TEX22: variants seen among roughly 807,000 people sequenced by gnomAD.
TEX22 encodes the protein testis-expressed protein 22.
A neutral mutation model predicts 11.3 loss-of-function variants in TEX22; 16 were observed. The observed-to-expected ratio is 1.42, with a 90% CI of 0.96 to 2.15. The LOEUF (loss-of-function observed/expected upper bound fraction) is 2.15. Among genes scored for constraint, TEX22 ranks in the 30% most tolerant of loss-of-function variants. The pLI is 0.00. For missense variants in TEX22, 220 were observed against 208.6 expected (o/e 1.05, Z -0.34); for synonymous variants, 97 against 92.3 (o/e 1.05, Z -0.29).
At position 105,411,047 on chromosome 14, in the gene TEX22, C is replaced by T. The variant is rs587614876; in HGVS notation, c.151-321C>T. ...CTTTCCTGAGGCACGCATCAGTGCT[C>T]GAGCTCCGGGGGTTCTCCTGCCGGT... On this transcript the variant is annotated intron_variant, in intron 2 of 3. Transcript: ENST00000451127. Among the ~76,000 whole-genome samples, 24 of 152,356 alleles carry T rather than the reference C, an allele frequency of 1.6e-4. 1 individual carries two copies. The South Asian group carries it at 3.9e-3, about 25-fold the overall frequency.
At chr14:105,400,294 G>A (rs1260736176) in intron 2 of TEX22, among the ~76,000 whole-genome samples, 2 of 152,220 alleles carry the variant, frequency 1.3e-5, no homozygotes, top group Non-Finnish European at 2.9e-5. Context: ...AGGCCCCTTT[G>A]TACCCTCTCA....
intron 2 of TEX22, among the ~76,000 whole-genome samples, chr14:105,400,206 T>C (rs2081619283): frequency 6.6e-6 from 1 of 152,204 alleles, no homozygotes; most frequent in South Asian, 2.1e-4. Context: ...GCGCTGGTCA[T>C]GCGGCCAGTT....
intron 2 of TEX22, among the ~76,000 whole-genome samples, chr14:105,405,870 A>C (rs1214043689): frequency 6.6e-6 from 1 of 152,274 alleles, no homozygotes; most frequent in Non-Finnish European, 1.5e-5. Flanking sequence ...TTGGAAAATA[A>C]GAGCAAGGCC....
At chr14:105,410,018 C>T (rs1253323756) in intron 2 of TEX22, among the ~76,000 whole-genome samples, 1 of 152,176 alleles carries the variant, frequency 6.6e-6, no homozygotes, top group Non-Finnish European at 1.5e-5. Flanking sequence ...ATCCTCCTGC[C>T]TTGGGCTCCC....
chr14:105,404,949 A>G (rs1487708843), intron 2 of TEX22, among the ~76,000 whole-genome samples: 7 of 152,322 alleles, frequency 4.6e-5, no homozygotes, highest in Admixed American at 3.9e-4. Flanking sequence ...TGTACCTGCA[A>G]TGGCATAAAT....
intron 2 of TEX22, among the ~76,000 whole-genome samples, chr14:105,403,553 G>C (rs2081643522): frequency 6.6e-6 from 1 of 152,164 alleles, no homozygotes; most frequent in Non-Finnish European, 1.5e-5. Flanking sequence ...CTCCCAAGTA[G>C]CTGGGACCAC....
intron 2 of TEX22, among the ~76,000 whole-genome samples, chr14:105,409,501 C>CTT (rs1232769820): frequency 3.0e-5 from 4 of 132,606 alleles, no homozygotes; most frequent in South Asian, 2.3e-4. Flanking sequence ...TCTTCTTCTT[C>CTT]TTTTTTTTTT....
intron 2 of TEX22, among the ~76,000 whole-genome samples, chr14:105,409,309 G>A (rs1002703888): frequency 1.3e-5 from 2 of 152,166 alleles, no homozygotes; most frequent in African/African-American, 4.8e-5. Flanking sequence ...TTCAGAGGAT[G>A]TGAAAGTTTT....
Position 105,399,282 on chromosome 14 carries a change from C to T in TEX22, c.-39-20C>T, listed in dbSNP as rs376364124. The T allele has an allele frequency of 3.8e-5, 50 of 1,317,618 alleles. No homozygotes were observed. In the African/African-American group the frequency reaches 4.3e-4, roughly 11 times the overall value. 81.6% of individuals were successfully genotyped at this position (1,317,618 alleles called of 1,614,324 possible). On this transcript the variant is annotated intron_variant, in intron 1 of 3. Transcript: ENST00000451127. The stretch of plus-strand genomic sequence containing the variant: ...TGGCCTTGTGGGCCCCGCCCCACCT[C>T]CCCCTGCTCCTACCCCCAGATCTCA...
At chr14:105,407,699 C>T (rs1205457552) in intron 2 of TEX22, among the ~76,000 whole-genome samples, 3 of 152,180 alleles carry the variant, frequency 2.0e-5, no homozygotes, top group Admixed American at 6.5e-5. Context: ...ATTGGTATTT[C>T]AGTCTTTATT....
chr14:105,411,936 C>A lies in TEX22; in HGVS notation c.*103C>A. ...TTTGTGCCCCACCAGGGGGTCACCA[C>A]CCACCCATGTTAGGAAAACAGGCCA... On this transcript the variant is annotated 3_prime_UTR_variant, in exon 4 of 4. Transcript: ENST00000451127. 8.4e-7 allele frequency: 1 copy of A among 1,187,118 alleles called. No individual in the cohort carries two copies. The highest frequency in any genetic ancestry group is 1.1e-6 in the Non-Finnish European group (1 of 893,978). 73.5% of individuals were successfully genotyped at this position (1,187,118 alleles called of 1,614,324 possible). A position where few individuals can be genotyped will look rare whatever the true frequency, so the allele number is the denominator to read the frequency against.
intron 2 of TEX22, among the ~76,000 whole-genome samples, chr14:105,407,422 G>A (rs2081664148): frequency 6.6e-6 from 1 of 152,048 alleles, no homozygotes; most frequent in African/African-American, 2.4e-5. Flanking sequence ...AGGCTAGAGT[G>A]CAGCGTGTGG....
intron 2 of TEX22, among the ~76,000 whole-genome samples, chr14:105,404,799 T>C (rs1293349087): frequency 6.6e-6 from 1 of 152,132 alleles, no homozygotes; most frequent in Non-Finnish European, 1.5e-5. Context: ...TCTGAAGAAA[T>C]GATCTCAAAG....
In TEX22 at chr14:105,413,217, G is replaced by C. The variant is rs1756433248; in HGVS notation, c.*1384G>C. 1 of 152,316 alleles carries C rather than the reference G, an allele frequency of 6.6e-6. No individual in the cohort carries two copies. The highest frequency in any genetic ancestry group is 2.4e-5 in the African/African-American group (1 of 41,408). 9.4% of individuals were successfully genotyped at this position (152,316 alleles called of 1,614,324 possible). A position where few individuals can be genotyped will look rare whatever the true frequency, so the allele number is the denominator to read the frequency against. On this transcript the variant is annotated 3_prime_UTR_variant, in exon 4 of 4. Coordinates refer to ENST00000451127, the MANE Select transcript of TEX22 (RefSeq NM_001195082.2). This position sits in a 1 kb window ranked among gnomAD's most constrained non-coding sequence, Gnocchi z 4.2. Reference sequence around the variant, plus strand: ...GGGGCTAGGGCAGGTGTCCTTAAGGGTGTGGGGAGTTTTGGGCAGGGCACT... The same window carrying C: ...GGGGCTAGGGCAGGTGTCCTTAAGGCTGTGGGGAGTTTTGGGCAGGGCACT...
intron 2 of TEX22, among the ~76,000 whole-genome samples, chr14:105,409,360 A>G (rs1414169469): frequency 2.0e-5 from 3 of 152,176 alleles, no homozygotes; most frequent in African/African-American, 4.8e-5. Context: ...TTCTGCCTGT[A>G]TGCTTGAATG....
chr14:105,400,780 G>A (rs187344839), intron 2 of TEX22, among the ~76,000 whole-genome samples: 1 of 152,304 alleles, frequency 6.6e-6, no homozygotes, highest in South Asian at 2.1e-4. Flanking sequence ...GTGGAAAGAG[G>A]TATGGGTGCA....
At chr14:105,410,910 C>T (rs1257245017) in intron 2 of TEX22, among the ~76,000 whole-genome samples, 2 of 152,188 alleles carry the variant, frequency 1.3e-5, no homozygotes, top group Admixed American at 6.5e-5. Context: ...CCTCCACTGG[C>T]GCTGGTCTTT....
At chr14:105,410,026 C>G (rs1272033235) in intron 2 of TEX22, among the ~76,000 whole-genome samples, 2 of 152,144 alleles carry the variant, frequency 1.3e-5, no homozygotes, top group Non-Finnish European at 2.9e-5. Flanking sequence ...GCCTTGGGCT[C>G]CCAAACTGCT....
chr14:105,411,868 C>G lies in TEX22; in HGVS notation c.*35C>G. 1.5e-6 allele frequency: 2 copies of G among 1,372,388 alleles called. No individual in the cohort carries two copies. Among genetic ancestry groups the G allele is most frequent in the Non-Finnish European group, 1.9e-6 (2 of 1,060,018 alleles). The allele number at this position is 1,372,388 out of a possible 1,614,324, so 85.0% of individuals were successfully genotyped here. A position where few individuals can be genotyped will look rare whatever the true frequency, so the allele number is the denominator to read the frequency against. ...TCAGCCCATTGTCTGTCTTCCAGTG[C>G]CTTTCCTTGGGGGCCCACGGTGGGG... is the stretch of plus-strand genomic sequence containing the variant. On this transcript the variant is annotated 3_prime_UTR_variant, in exon 4 of 4. Transcript: ENST00000451127.
Sources: allele counts gnomAD v4.1 joint callset (sites outside exome capture counted in the v4.1 genomes callset), GRCh38; gene constraint gnomAD v4.1.1; non-coding constraint Gnocchi (gnomAD v3.1); transcripts MANE v1.5; gene names NCBI Gene and HGNC (gene_info 2026-07-23, HGNC 2026-07-21).